The following XPR1 variants were observed in gnomAD, a reference collection of about 807,000 sequenced individuals.
XPR1 encodes the protein solute carrier family 53 member 1.
Under a neutral mutation model 87.5 loss-of-function variants are expected in XPR1, and 28 were observed. The ratio of observed to expected loss-of-function variants is 0.32; its 90% CI spans 0.24 to 0.44. The LOEUF (loss-of-function observed/expected upper bound fraction) is 0.44. Ranked by LOEUF, XPR1 falls within the 20% of genes least tolerant of loss-of-function variation. The pLI, the probability that XPR1 is intolerant of heterozygous loss-of-function variation, is 1.00. For synonymous variants in XPR1, 300 were observed against 306.1 expected (o/e 0.98, Z 0.21); for missense variants, 559 against 862.3 (o/e 0.65, Z 4.41).
chr1:180,749,480 T>C (rs1394036566), intron 2 of XPR1, among the ~76,000 whole-genome samples: 2 of 152,110 alleles, frequency 1.3e-5, no homozygotes, highest in African/African-American at 4.8e-5. Flanking sequence ...GTTGCAACCT[T>C]AGGTTGATTT....
chr1:180,654,315 C>A (rs1190269022), intron 1 of XPR1, among the ~76,000 whole-genome samples: 4 of 152,074 alleles, frequency 2.6e-5, no homozygotes, highest in Admixed American at 6.6e-5. Flanking sequence ...ATCACCTCTT[C>A]TCATCTTCTT....
intron 1 of XPR1, among the ~76,000 whole-genome samples, chr1:180,654,004 G>A (rs944226500): frequency 6.6e-6 from 1 of 152,190 alleles, no homozygotes; most frequent in African/African-American, 2.4e-5. Flanking sequence ...GGATAAGGGG[G>A]TACTACTGTA....
At chr1:180,754,138 G>A (rs1647635277) in intron 2 of XPR1, among the ~76,000 whole-genome samples, 1 of 152,110 alleles carries the variant, frequency 6.6e-6, no homozygotes, top group Admixed American at 6.6e-5. Context: ...ATTTGAAAGT[G>A]TCTCAATTTA....
chr1:180,702,603 T>G lies in XPR1; in HGVS notation c.121+20192T>G, dbSNP rs139065879. Among the ~76,000 whole-genome samples the G allele has an allele frequency of 2.7e-4, 41 of 152,288 alleles. No homozygotes were observed. In the East Asian group the frequency reaches 7.9e-3, roughly 29 times the overall value. On this transcript the variant is annotated intron_variant, in intron 2 of 14. Coordinates refer to ENST00000367590, the MANE Select transcript of XPR1 (RefSeq NM_004736.4). ...GAAGCTCTCGATTGTATCTTTTATT[T>G]CATTCATTGACTACTTCAGTTCTAG...
intron 14 of XPR1, among the ~76,000 whole-genome samples, chr1:180,880,563 A>T (rs551933589): frequency 6.6e-6 from 1 of 152,342 alleles, no homozygotes; most frequent in South Asian, 2.1e-4. Flanking sequence ...GTTGTTGGAG[A>T]GTGATTTATT....
At chr1:180,680,491 G>A (rs1019918631) in intron 1 of XPR1, among the ~76,000 whole-genome samples, 1 of 147,410 alleles carries the variant, frequency 6.8e-6, no homozygotes, top group Non-Finnish European at 1.5e-5. Context: ...TCAGCCTCCC[G>A]AGTAGCTGGG....
At chr1:180,744,654 CTT>C (rs71121048) in intron 2 of XPR1, among the ~76,000 whole-genome samples, 3 of 102,366 alleles carry the variant, frequency 2.9e-5, no homozygotes, top group East Asian at 3.1e-4. Flanking sequence ...CAATTTCTTT[CTT>C]TTTTTTTTTT....
At chr1:180,735,906 CTG>C (rs746236904) in intron 2 of XPR1, among the ~76,000 whole-genome samples, 3 of 152,102 alleles carry the variant, frequency 2.0e-5, no homozygotes, top group Non-Finnish European at 4.4e-5. Flanking sequence ...TTTCCCATCT[CTG>C]GAGTTCATTA....
chr1:180,677,141 C>T (rs778076076), intron 1 of XPR1, among the ~76,000 whole-genome samples: 10 of 152,298 alleles, frequency 6.6e-5, no homozygotes, highest in Non-Finnish European at 1.2e-4. Flanking sequence ...TTTCATAAGA[C>T]CGCCCCTGCT....
At chr1:180,839,547 A>C (rs1651432578) in intron 11 of XPR1, among the ~76,000 whole-genome samples, 1 of 152,192 alleles carries the variant, frequency 6.6e-6, no homozygotes, top group African/African-American at 2.4e-5. Context: ...GCTATGGAAA[A>C]TATCTGCAAT....
intron 1 of XPR1, 135 bp from the exon 2 acceptor site, chr1:180,682,225 G>A: frequency 5.8e-6 from 3 of 512,958 alleles, no homozygotes; most frequent in Non-Finnish European, 9.8e-6. Context: ...GTTTATAAAT[G>A]TTAATTGAAG....
At chr1:180,806,420 G>C in intron 5 of XPR1, 54 bp from the exon 6 acceptor site, 1 of 1,569,154 alleles carries the variant, frequency 6.4e-7, no homozygotes. Context: ...AATTATTTGT[G>C]CATCACTCAA....
intron 2 of XPR1, among the ~76,000 whole-genome samples, chr1:180,695,593 TGAG>T (rs373950051): frequency 3.8e-4 from 58 of 152,306 alleles, no homozygotes; most frequent in African/African-American, 1.3e-3. Context: ...CTGTCCATTT[TGAG>T]TTGATTTTTG....
At chr1:180,699,223 T>TA (rs1240568606) in intron 2 of XPR1, among the ~76,000 whole-genome samples, 1 of 148,276 alleles carries the variant, frequency 6.7e-6, no homozygotes, top group African/African-American at 2.5e-5. Context: ...TTTTTTTTTT[T>TA]TTTATTATAC....
chr1:180,852,768 C>T (rs1348099503), intron 11 of XPR1, among the ~76,000 whole-genome samples: 2 of 152,172 alleles, frequency 1.3e-5, no homozygotes, highest in African/African-American at 4.8e-5. Flanking sequence ...CTGAAGCAAT[C>T]CTCTCACTTC....
At chr1:180,704,728 T>G (rs1657494230) in intron 2 of XPR1, among the ~76,000 whole-genome samples, 1 of 151,314 alleles carries the variant, frequency 6.6e-6, no homozygotes, top group South Asian at 2.1e-4. Flanking sequence ...TTCTTTTCTA[T>G]TTGATATTAC....
intron 1 of XPR1, among the ~76,000 whole-genome samples, chr1:180,638,803 A>G (rs935521602): frequency 2.0e-5 from 3 of 152,140 alleles, no homozygotes; most frequent in African/African-American, 7.2e-5. Context: ...AATTTGTATT[A>G]CTTTTGTATA....
At chr1:180,878,386 C>T (rs917713943) in intron 13 of XPR1, 4 of 152,170 alleles carry the variant, frequency 2.6e-5, no homozygotes, top group Non-Finnish European at 5.9e-5. Flanking sequence ...CTTGCTGTCT[C>T]CACTCTCACT....
At chr1:180,763,833 C>G (rs1265595806) in intron 2 of XPR1, among the ~76,000 whole-genome samples, 2 of 152,094 alleles carry the variant, frequency 1.3e-5, no homozygotes, top group Non-Finnish European at 2.9e-5. Flanking sequence ...CCTAGAGGAC[C>G]CACTTCCTGG....
Sources: allele counts gnomAD v4.1 joint callset (sites outside exome capture counted in the v4.1 genomes callset), GRCh38; gene constraint gnomAD v4.1.1; transcripts MANE v1.5; gene names NCBI Gene and HGNC (gene_info 2026-07-23, HGNC 2026-07-21).